Variants in AUTS2 observed in about 807,000 individuals in gnomAD.
The protein encoded by AUTS2 is activator of transcription and developmental regulator AUTS2, also known as autism susceptibility gene 2 protein.
In AUTS2, 17 loss-of-function variants were observed where a neutral mutation model predicts 112.4. The observed-to-expected ratio is 0.15, with a 90% confidence interval of 0.10 to 0.23. The LOEUF (loss-of-function observed/expected upper bound fraction) is 0.23. Ranked by LOEUF, AUTS2 falls within the 10% of genes least tolerant of loss-of-function variation. The pLI, the probability that AUTS2 is intolerant of heterozygous loss-of-function variation, is 1.00. For missense variants in AUTS2, 1,510 were observed against 1,701.6 expected (o/e 0.89, Z 1.98); for synonymous variants, 751 against 702.7 (o/e 1.07, Z -1.09).
intron 2 of AUTS2, among the ~76,000 whole-genome samples, chr7:70,003,240 A>C (rs1799297323): frequency 7.6e-6 from 1 of 130,850 alleles, no homozygotes; most frequent in Non-Finnish European, 1.5e-5. Flanking sequence ...TTATATATGA[A>C]TATATTATAT....
chr7:70,345,036 C>G (rs910346380), intron 4 of AUTS2, among the ~76,000 whole-genome samples: 6 of 152,180 alleles, frequency 3.9e-5, no homozygotes, highest in Non-Finnish European at 7.3e-5. Context: ...AAACAAAGCC[C>G]TCTGTATAAT....
chr7:70,167,179 T>C (rs970803352), intron 4 of AUTS2, among the ~76,000 whole-genome samples: 3 of 152,118 alleles, frequency 2.0e-5, no homozygotes, highest in African/African-American at 7.2e-5. Flanking sequence ...TGAGCCATGA[T>C]TGCACCACTG....
At chr7:69,937,826 A>G (rs548235945) in intron 2 of AUTS2, among the ~76,000 whole-genome samples, 2 of 152,028 alleles carry the variant, frequency 1.3e-5, no homozygotes, top group East Asian at 3.9e-4. Context: ...TGCTCTTTCC[A>G]TGTGTTGTGG....
chr7:70,697,411 A>C (rs1327176706), intron 5 of AUTS2, among the ~76,000 whole-genome samples: 1 of 152,176 alleles, frequency 6.6e-6, no homozygotes, highest in South Asian at 2.1e-4. Context: ...TTGTCTTTCT[A>C]TATCACTTGC....
At chr7:69,903,924 C>T (rs943367021) in intron 2 of AUTS2, among the ~76,000 whole-genome samples, 6 of 152,304 alleles carry the variant, frequency 3.9e-5, no homozygotes, top group Middle Eastern at 3.4e-3. Context: ...TTGCTCTTCT[C>T]TCTCTGAAAA....
chr7:70,342,715 G>T (rs746700308), intron 4 of AUTS2, among the ~76,000 whole-genome samples: 19 of 150,390 alleles, frequency 1.3e-4, no homozygotes, highest in Admixed American at 4.0e-4. Context: ...CCTAACCACT[G>T]TACCCCACCT....
At chr7:69,668,381 AT>A (rs1200658957) in intron 1 of AUTS2, among the ~76,000 whole-genome samples, 1 of 152,226 alleles carries the variant, frequency 6.6e-6, no homozygotes, top group Admixed American at 6.5e-5. Context: ...CCAGGTGTAT[AT>A]AAAAGTTATT....
At chr7:70,654,787 C>T (rs1490422721) in intron 5 of AUTS2, among the ~76,000 whole-genome samples, 1 of 152,138 alleles carries the variant, frequency 6.6e-6, no homozygotes, top group South Asian at 2.1e-4. Context: ...ATCTGTGGCA[C>T]GTTATTTTCT....
intron 6 of AUTS2, among the ~76,000 whole-genome samples, chr7:70,746,218 C>T (rs1477925673): frequency 2.0e-5 from 3 of 152,194 alleles, no homozygotes; most frequent in Non-Finnish European, 4.4e-5. Context: ...ACAATCTCAG[C>T]TCGCTGCCAC....
In AUTS2 at chr7:70,027,262, T is replaced by C. The variant is rs80114894; in HGVS notation, c.523-90870T>C. 6.1e-3 allele frequency among the ~76,000 whole-genome samples: 930 copies of C among 152,342 alleles called. 7 individuals carry two copies. Among genetic ancestry groups the C allele is most frequent in the African/African-American group, 0.021 (869 of 41,584 alleles). On this transcript the variant is annotated intron_variant, in intron 2 of 18. Transcript: ENST00000342771. Reference sequence around the variant, plus strand: ...AGGGACTCTTTTGATGTCTTCGTTTTGGAAACTCTCTGTTGTTGGTTTTTG... The same window carrying C: ...AGGGACTCTTTTGATGTCTTCGTTTCGGAAACTCTCTGTTGTTGGTTTTTG...
At chr7:70,363,232 A>G (rs1335902085) in intron 4 of AUTS2, among the ~76,000 whole-genome samples, 1 of 152,198 alleles carries the variant, frequency 6.6e-6, no homozygotes, top group Non-Finnish European at 1.5e-5. Flanking sequence ...TTTAGGATTT[A>G]TCTGGTTTCT....
intron 1 of AUTS2, among the ~76,000 whole-genome samples, chr7:69,847,840 C>T (rs966804407): frequency 2.0e-5 from 3 of 152,182 alleles, no homozygotes; most frequent in African/African-American, 4.8e-5. Flanking sequence ...CTTCATCTGT[C>T]GCCTCTGAAA....
chr7:69,841,572 C>T (rs1791981596), intron 1 of AUTS2, among the ~76,000 whole-genome samples: 1 of 152,074 alleles, frequency 6.6e-6, no homozygotes, highest in African/African-American at 2.4e-5. Context: ...CAAATTAATC[C>T]ACACCAGGAA....
chr7:70,468,859 G>A lies in AUTS2; in HGVS notation c.690+33078G>A, dbSNP rs549057418. Among the ~76,000 whole-genome samples, 32 of 152,138 alleles carry A rather than the reference G, an allele frequency of 2.1e-4. No individual in the cohort carries two copies. In the South Asian group the frequency reaches 6.2e-3, roughly 30 times the overall value. ...CTTACTCCCTCTTCTCAAGGTCTTCGACAAGGTCTTTTATGAAGCCTTTGT... is the reference window on the plus strand; with the variant it reads ...CTTACTCCCTCTTCTCAAGGTCTTCAACAAGGTCTTTTATGAAGCCTTTGT... On this transcript the variant is annotated intron_variant, in intron 5 of 18. Transcript: ENST00000342771.
chr7:69,680,222 T>C (rs1262977423), intron 1 of AUTS2, among the ~76,000 whole-genome samples: 1 of 152,234 alleles, frequency 6.6e-6, no homozygotes, highest in African/African-American at 2.4e-5. Flanking sequence ...CATTGATTCA[T>C]TTATGAATAC....
intron 2 of AUTS2, among the ~76,000 whole-genome samples, chr7:69,974,154 T>C (rs566486358): frequency 2.6e-5 from 4 of 151,818 alleles, no homozygotes; most frequent in Non-Finnish European, 5.9e-5. Context: ...TGGTGGGTTC[T>C]GGTAGTTTTT....
chr7:69,856,538 G>A (rs543688243), intron 1 of AUTS2, among the ~76,000 whole-genome samples: 2 of 152,148 alleles, frequency 1.3e-5, no homozygotes, highest in South Asian at 2.1e-4. Flanking sequence ...TAGACCCCTA[G>A]GCTTCCAGTT....
intron 2 of AUTS2, among the ~76,000 whole-genome samples, chr7:69,977,087 C>T (rs1798089757): frequency 1.3e-5 from 2 of 152,068 alleles, no homozygotes; most frequent in South Asian, 2.1e-4. Context: ...TTATGTCTTA[C>T]ATTTAGGTCT....
At chr7:70,577,404 C>T (rs1455804930) in intron 5 of AUTS2, among the ~76,000 whole-genome samples, 1 of 152,158 alleles carries the variant, frequency 6.6e-6, no homozygotes, top group Non-Finnish European at 1.5e-5. Flanking sequence ...TTTAAAAATC[C>T]TCCCCCCTCC....
Sources: allele counts gnomAD v4.1 joint callset (sites outside exome capture counted in the v4.1 genomes callset), GRCh38; gene constraint gnomAD v4.1.1; transcripts MANE v1.5; gene names NCBI Gene and HGNC (gene_info 2026-07-23, HGNC 2026-07-21).